The following ATP8A2 variants were observed in gnomAD, a reference collection of about 807,000 sequenced individuals.
ATP8A2 encodes ATPase phospholipid transporting 8A2.
A neutral mutation model predicts 165.6 loss-of-function variants in ATP8A2; 100 were observed. The ratio of observed to expected loss-of-function variants is 0.60; its 90% CI spans 0.51 to 0.71. ATP8A2 has a LOEUF of 0.71. ATP8A2 is among the 30% of genes least tolerant of loss of function. The pLI, the probability that ATP8A2 is intolerant of heterozygous loss-of-function variation, is 0.00. For missense variants in ATP8A2, 1,227 were observed against 1,479.5 expected (o/e 0.83, Z 2.80); for synonymous variants, 543 against 548.8 (o/e 0.99, Z 0.15).
At chr13:25,551,289 C>A (rs750458794) in intron 10 of ATP8A2, 49 bp from the exon 11 acceptor site, 1 of 1,562,758 alleles carries the variant, frequency 6.4e-7, no homozygotes, top group Admixed American at 1.7e-5. Context: ...CAACCCCTTG[C>A]CCCAAATCTG....
At chr13:25,746,160 A>C (rs1446082687) in intron 25 of ATP8A2, among the ~76,000 whole-genome samples, 1 of 152,234 alleles carries the variant, frequency 6.6e-6, no homozygotes, top group African/African-American at 2.4e-5. Context: ...TCTCCAGCTG[A>C]AATTGGCATT....
At position 25,770,601 on chromosome 13, in the gene ATP8A2, T is replaced by G. The variant is rs182206698; in HGVS notation, c.2568+1372T>G. ...TCTGCATGAATTACTCTTTCTCTAC[T>G]GCAGTTCTTCTGTCTTGATGAATCG... On this transcript the variant is annotated intron_variant, in intron 26 of 36. Transcript: ENST00000381655. 7.6e-4 allele frequency among the ~76,000 whole-genome samples: 115 copies of G among 152,282 alleles called. 3 individuals are homozygous for G. The highest frequency in any genetic ancestry group is 6.9e-3 in the East Asian group (36 of 5,182).
chr13:25,447,456 T>C (rs2035100596), intron 1 of ATP8A2, among the ~76,000 whole-genome samples: 1 of 152,242 alleles, frequency 6.6e-6, no homozygotes, highest in African/African-American at 2.4e-5. Flanking sequence ...GGGTGGCTCA[T>C]TTACTTGGCT....
At chr13:25,541,156 C>T (rs1394016854) in intron 8 of ATP8A2, among the ~76,000 whole-genome samples, 3 of 152,096 alleles carry the variant, frequency 2.0e-5, no homozygotes, top group Non-Finnish European at 2.9e-5. Flanking sequence ...TGAGATACTG[C>T]ACCTGGCCAA....
intron 25 of ATP8A2, among the ~76,000 whole-genome samples, chr13:25,731,388 A>G (rs1327761872): frequency 6.6e-6 from 1 of 151,778 alleles, no homozygotes; most frequent in East Asian, 1.9e-4. Context: ...AGGGAGGAAG[A>G]AAAAGGAAGA....
chr13:25,453,668 C>T (rs2035287950), intron 1 of ATP8A2, among the ~76,000 whole-genome samples: 1 of 152,166 alleles, frequency 6.6e-6, no homozygotes, highest in African/African-American at 2.4e-5. Flanking sequence ...CAAATGTAAA[C>T]TAAATATGTG....
intron 2 of ATP8A2, among the ~76,000 whole-genome samples, chr13:25,498,474 A>C (rs1000547220): frequency 6.6e-6 from 1 of 152,246 alleles, no homozygotes; most frequent in Non-Finnish European, 1.5e-5. Context: ...GATGCTGCAG[A>C]TTCAGTCTCT....
chr13:25,937,536 C>T (rs1400787637), intron 33 of ATP8A2, among the ~76,000 whole-genome samples: 9 of 150,964 alleles, frequency 6.0e-5, no homozygotes, highest in Admixed American at 2.0e-4. Context: ...AGAAATACCT[C>T]GGGGCCTTTA....
chr13:25,390,583 TCAAA>T (rs2137967205), intron 1 of ATP8A2, among the ~76,000 whole-genome samples: 1 of 152,304 alleles, frequency 6.6e-6, no homozygotes, highest in African/African-American at 2.4e-5. Context: ...ACAAATGGAA[TCAAA>T]CAGTGTGCAG....
At position 25,429,227 on chromosome 13, in the gene ATP8A2, C is replaced by T. The variant is rs143207976; in HGVS notation, c.77-39750C>T. On this transcript the variant is annotated intron_variant, in intron 1 of 36. Transcript: ENST00000381655. ...TACTAAAAATACAAAAAAGTTAGTC[C>T]GGTGTGGTGGTGGGTATCTGTAATC... Among the ~76,000 whole-genome samples, 572 of 151,644 alleles carry T rather than the reference C, an allele frequency of 3.8e-3. 1 individual carries two copies. The highest frequency in any genetic ancestry group is 0.013 in the African/African-American group (524 of 41,300).
At chr13:25,490,213 T>C (rs2137635714) in intron 2 of ATP8A2, among the ~76,000 whole-genome samples, 1 of 152,376 alleles carries the variant, frequency 6.6e-6, no homozygotes, top group African/African-American at 2.4e-5. Flanking sequence ...CCTTAGCCTC[T>C]TAAAGAAGAG....
chr13:25,944,120 T>C (rs962741590), intron 33 of ATP8A2, among the ~76,000 whole-genome samples: 2 of 152,374 alleles, frequency 1.3e-5, no homozygotes, highest in African/African-American at 4.8e-5. Flanking sequence ...TGCAGTTGAT[T>C]AAAATGAAAG....
intron 27 of ATP8A2, among the ~76,000 whole-genome samples, chr13:25,783,875 C>A (rs1464697307): frequency 1.3e-5 from 2 of 152,146 alleles, no homozygotes; most frequent in African/African-American, 2.4e-5. Context: ...TAGTTAAACA[C>A]GTGCCTAGGA....
chr13:25,429,390 A>G lies in ATP8A2; in HGVS notation c.77-39587A>G, dbSNP rs1160995308. Reference sequence around the variant, plus strand: ...CCATCTTAAAAAAAAAAAAAAAAAAAAAAAAAAAAAGAAGTAATCTTGCAT... The same window carrying G: ...CCATCTTAAAAAAAAAAAAAAAAAAGAAAAAAAAAAGAAGTAATCTTGCAT... On this transcript the variant is annotated intron_variant, in intron 1 of 36. Transcript: ENST00000381655. 1.0e-4 allele frequency among the ~76,000 whole-genome samples: 15 copies of G among 150,680 alleles called. 1 individual carries two copies. The highest frequency in any genetic ancestry group is 3.4e-4 in the African/African-American group (14 of 40,712).
intron 27 of ATP8A2, among the ~76,000 whole-genome samples, chr13:25,817,354 G>T (rs868182369): frequency 5.3e-5 from 6 of 113,858 alleles, no homozygotes; most frequent in African/African-American, 1.5e-4. Flanking sequence ...CTTTTATGGG[G>T]GGGGGGGGAA....
At chr13:25,405,582 C>T (rs963016063) in intron 1 of ATP8A2, among the ~76,000 whole-genome samples, 14 of 152,224 alleles carry the variant, frequency 9.2e-5, no homozygotes, top group African/African-American at 2.4e-4. Flanking sequence ...TATGCAGGAC[C>T]GGCTCCCTGG....
Position 25,784,952 on chromosome 13 carries a change from A to T in ATP8A2, c.2679+9993A>T, listed in dbSNP as rs186255644. On this transcript the variant is annotated intron_variant, in intron 27 of 36. Coordinates refer to ENST00000381655, the MANE Select transcript of ATP8A2 (RefSeq NM_016529.6). ...GGCTAATTTTTGTTTTTTAATAGAG[A>T]TGGGGTTTCACCATGTTGGTCAGGC... 2.6e-3 allele frequency among the ~76,000 whole-genome samples: 400 copies of T among 151,594 alleles called. 5 individuals are homozygous for T. Among genetic ancestry groups the T allele is most frequent in the Non-Finnish European group, 4.5e-3 (302 of 67,856 alleles).
In ATP8A2 at chr13:25,984,351, T is replaced by C. The variant is rs145041456; in HGVS notation, c.3377+15672T>C. On this transcript the variant is annotated intron_variant, in intron 35 of 36. Coordinates refer to ENST00000381655, the MANE Select transcript of ATP8A2 (RefSeq NM_016529.6). Reference sequence around the variant, plus strand: ...GGGCCCAGTGGCTCATGCCTGTAATTCCAGCACTTTGGGAGATGAAGGCAG... The same window carrying C: ...GGGCCCAGTGGCTCATGCCTGTAATCCCAGCACTTTGGGAGATGAAGGCAG... Among the ~76,000 whole-genome samples the C allele has an allele frequency of 6.5e-3, 985 of 151,726 alleles. 5 individuals carry two copies. The highest frequency in any genetic ancestry group is 0.028 in the Middle Eastern group (8 of 288).
intron 1 of ATP8A2, among the ~76,000 whole-genome samples, chr13:25,387,741 T>C (rs2033108217): frequency 2.6e-5 from 4 of 152,200 alleles, no homozygotes; most frequent in Admixed American, 6.5e-5. Flanking sequence ...CGTTCTTTAA[T>C]CTGCAAATGT....
Sources: allele counts gnomAD v4.1 joint callset (sites outside exome capture counted in the v4.1 genomes callset), GRCh38; gene constraint gnomAD v4.1.1; transcripts MANE v1.5; gene names NCBI Gene and HGNC (gene_info 2026-07-23, HGNC 2026-07-21).